The following GJC1 variants were observed in gnomAD, a reference collection of about 807,000 sequenced individuals.
The protein encoded by GJC1 is gap junction protein gamma 1.
A neutral mutation model predicts 29.3 loss-of-function variants in GJC1; 5 were observed. That is an observed-to-expected ratio of 0.17 (90% CI 0.09 to 0.36). The LOEUF is 0.36. Ranked by LOEUF, GJC1 falls within the 10% of genes least tolerant of loss-of-function variation. The pLI is 1.00. For synonymous variants in GJC1, 177 were observed against 183.3 expected (o/e 0.97, Z 0.28); for missense variants, 310 against 496.2 (o/e 0.62, Z 3.56).
chr17:44,827,511 G>C (rs924589643), intron 1 of GJC1, among the ~76,000 whole-genome samples: 1 of 152,082 alleles, frequency 6.6e-6, no homozygotes, highest in Non-Finnish European at 1.5e-5. Flanking sequence ...GGACAGGACA[G>C]GAAAGGAGGA....
intron 1 of GJC1, among the ~76,000 whole-genome samples, chr17:44,819,386 C>T (rs1254057178): frequency 1.3e-5 from 2 of 151,990 alleles, no homozygotes; most frequent in East Asian, 1.9e-4. Context: ...TGGCCAGGCG[C>T]GGTGGCTCAC....
intron 1 of GJC1, among the ~76,000 whole-genome samples, chr17:44,828,930 C>T (rs1327659302): frequency 6.6e-6 from 1 of 151,664 alleles, no homozygotes; most frequent in African/African-American, 2.4e-5. Flanking sequence ...CTGTTTCCTG[C>T]TTATCAGGAA....
chr17:44,810,856 C>T (rs2049971999), intron 1 of GJC1, among the ~76,000 whole-genome samples: 1 of 152,100 alleles, frequency 6.6e-6, no homozygotes. Flanking sequence ...TCACTGCAGC[C>T]TCAACCTCTT....
In GJC1 at chr17:44,830,231, GCCGCTGCCGCCGCCGCCGCCGCCTC is replaced by G. The variant is rs1382643554; in HGVS notation, c.-291_-267del. Reference sequence around the variant, plus strand: ...TCCAGCCGAGGCAGAAGCCGCTCCCGCCGCTGCCGCCGCCGCCGCCGCCTCCCGCTCCCGCCGCCGCGACCCGCGG... The same window carrying G: ...TCCAGCCGAGGCAGAAGCCGCTCCCGCCGCTCCCGCCGCCGCGACCCGCGG... On this transcript the variant is annotated 5_prime_UTR_variant, in exon 1 of 3. Coordinates refer to ENST00000592524, the MANE Select transcript of GJC1 (RefSeq NM_005497.4). This position sits in a 1 kb window ranked among gnomAD's most constrained non-coding sequence, Gnocchi z 4.3. 6.3e-6 allele frequency: 1 copy of G among 159,118 alleles called. No homozygotes were observed. Among genetic ancestry groups the G allele is most frequent in the Non-Finnish European group, 1.3e-5 (1 of 74,942 alleles). 9.9% of individuals were successfully genotyped at this position (159,118 alleles called of 1,614,324 possible).
At chr17:44,823,102 TG>T (rs2050130545) in intron 1 of GJC1, among the ~76,000 whole-genome samples, 1 of 151,996 alleles carries the variant, frequency 6.6e-6, no homozygotes, top group African/African-American at 2.4e-5. Context: ...ACTACAAACA[TG>T]TGAATGAAAA....
rs778089708 is a variant in GJC1, at chr17:44,804,006, G to T, written c.*621C>A. On this transcript the variant is annotated 3_prime_UTR_variant, in exon 3 of 3. Transcript: ENST00000592524. ...TCTGATCGCATGAATGAGATTCAAAGATTTCTCACATAAAAGAAAGATCTC... is the reference window on the plus strand; with the variant it reads ...TCTGATCGCATGAATGAGATTCAAATATTTCTCACATAAAAGAAAGATCTC... The T allele has an allele frequency of 5.3e-5, 8 of 152,116 alleles. No homozygotes were observed. Among genetic ancestry groups the T allele is most frequent in the Admixed American group, 2.0e-4 (3 of 15,254 alleles). 9.4% of individuals were successfully genotyped at this position (152,116 alleles called of 1,614,324 possible). A position where few individuals can be genotyped will look rare whatever the true frequency, so the allele number is the denominator to read the frequency against.
intron 1 of GJC1, among the ~76,000 whole-genome samples, chr17:44,818,201 G>C (rs940985122): frequency 6.6e-6 from 1 of 151,778 alleles, no homozygotes; most frequent in Non-Finnish European, 1.5e-5. Context: ...CGACAAGAGC[G>C]AAACTCTGTC....
chr17:44,815,884 T>C (rs1414579253), intron 1 of GJC1, among the ~76,000 whole-genome samples: 1 of 151,632 alleles, frequency 6.6e-6, no homozygotes, highest in Non-Finnish European at 1.5e-5. Flanking sequence ...GAGGCCGAGG[T>C]GGGCGGATCA....
chr17:44,804,381 A>C lies in GJC1; in HGVS notation c.*246T>G. On this transcript the variant is annotated 3_prime_UTR_variant, in exon 3 of 3. Coordinates refer to ENST00000592524, the MANE Select transcript of GJC1 (RefSeq NM_005497.4). Reference sequence around the variant, plus strand: ...TTTAAATATGTCTGTTCTTCTCCAGATCTGGAAGACACAAATGTAAAGTTC... The same window carrying C: ...TTTAAATATGTCTGTTCTTCTCCAGCTCTGGAAGACACAAATGTAAAGTTC... 2 of 467,890 alleles carry C rather than the reference A, an allele frequency of 4.3e-6. No homozygotes were observed. 29.0% of individuals were successfully genotyped at this position (467,890 alleles called of 1,614,324 possible). A position where few individuals can be genotyped will look rare whatever the true frequency, so the allele number is the denominator to read the frequency against.
chr17:44,815,803 A>C (rs2050035234), intron 1 of GJC1, among the ~76,000 whole-genome samples: 1 of 152,112 alleles, frequency 6.6e-6, no homozygotes, highest in African/African-American at 2.4e-5. Context: ...AATCGTATCA[A>C]TTCTTTAAAA....
At position 44,803,348 on chromosome 17, in the gene GJC1, ACAATAAAAGACTG is replaced by A. The variant is rs1419863811; in HGVS notation, c.*1266_*1278del. On this transcript the variant is annotated 3_prime_UTR_variant, in exon 3 of 3. Coordinates refer to ENST00000592524, the MANE Select transcript of GJC1 (RefSeq NM_005497.4). ...GCTCTCCAACATAAGGCTGAAAATG[ACAATAAAAGACTG>A]CAATAAAAGACTAGTGGGATGAACA... 3 of 152,318 alleles carry A rather than the reference ACAATAAAAGACTG, an allele frequency of 2.0e-5. No homozygotes were observed. The highest frequency in any genetic ancestry group is 4.4e-5 in the Non-Finnish European group (3 of 68,030). 9.4% of individuals were successfully genotyped at this position (152,318 alleles called of 1,614,324 possible). A position where few individuals can be genotyped will look rare whatever the true frequency, so the allele number is the denominator to read the frequency against.
At chr17:44,814,944 GA>G (rs1285267411) in intron 1 of GJC1, among the ~76,000 whole-genome samples, 266 of 139,908 alleles carry the variant, frequency 1.9e-3, no homozygotes, top group Middle Eastern at 0.011. Context: ...TCAGTCTTAG[GA>G]AAAAAAAAAA....
intron 1 of GJC1, among the ~76,000 whole-genome samples, chr17:44,827,683 A>C (rs1597765241): frequency 6.6e-6 from 1 of 152,172 alleles, no homozygotes; most frequent in Non-Finnish European, 1.5e-5. Context: ...CTGTAATCCC[A>C]GCACTCTGGG....
chr17:44,815,047 G>C (rs1353946007), intron 1 of GJC1, among the ~76,000 whole-genome samples: 2 of 152,038 alleles, frequency 1.3e-5, no homozygotes, highest in Non-Finnish European at 2.9e-5. Flanking sequence ...ATTCAGCTGT[G>C]AATGGCTCTC....
intron 1 of GJC1, among the ~76,000 whole-genome samples, chr17:44,825,667 C>T (rs1156589335): frequency 1.3e-5 from 2 of 151,562 alleles, no homozygotes; most frequent in Non-Finnish European, 1.5e-5. Context: ...CCCAGCTTCT[C>T]GCAAGGCTGA....
rs2050216582 is a variant in GJC1 at position 44,830,181 on chromosome 17, C to CGCCGCT, written c.-222_-217dup. 6.5e-6 allele frequency: 1 copy of CGCCGCT among 152,950 alleles called. No homozygotes were observed. The highest frequency in any genetic ancestry group is 2.4e-5 in the African/African-American group (1 of 41,354). The allele number at this position is 152,950 out of a possible 1,614,324, so 9.5% of individuals were successfully genotyped here. A position where few individuals can be genotyped will look rare whatever the true frequency, so the allele number is the denominator to read the frequency against. ...ACCCTCGCCTCTCCTCCACCTCCTC[C>CGCCGCT]GCCGCTGCCGCCTTCGCCTCAGTCT... On this transcript the variant is annotated 5_prime_UTR_variant, in exon 1 of 3. Transcript: ENST00000592524. This position sits in a 1 kb window ranked among gnomAD's most constrained non-coding sequence, Gnocchi z 4.3.
Position 44,804,978 on chromosome 17 carries a change from A to C in GJC1, c.840T>G (p.Thr280=), listed in dbSNP as rs752217522. ...EDPGAYNYPF[T]WNTPSAPPGY... ...CAGGGGGAGCAGATGGTGTATTCCA[A>C]GTGAAAGGATAATTATAAGCACCCG... The change falls in exon 3 of 3, where the codon ACT becomes ACG. Residue 280 remains threonine (T), a synonymous_variant. Coordinates refer to ENST00000592524, the MANE Select transcript of GJC1 (RefSeq NM_005497.4). The C allele has an allele frequency of 6.8e-6, 11 of 1,613,962 alleles. No homozygotes were observed. The highest frequency in any genetic ancestry group is 2.7e-5 in the African/African-American group (2 of 74,912).
downstream of GJC1, among the ~76,000 whole-genome samples, chr17:44,795,758 A>G (rs2049779443): frequency 6.6e-6 from 1 of 152,176 alleles, no homozygotes; most frequent in African/African-American, 2.4e-5. Context: ...GTGTGCTTTT[A>G]GTTTTGCTCT....
rs2049860619 is a variant in GJC1 at position 44,802,439 on chromosome 17, T to C, written c.*2188A>G. On this transcript the variant is annotated 3_prime_UTR_variant, in exon 3 of 3. Transcript: ENST00000592524. ...TTAACTGGTAGTTCTTTATCTTAGC[T>C]AGGCTTATGTATTCCAAATTTTGCC... The C allele has an allele frequency of 6.6e-6, 1 of 152,262 alleles. No homozygotes were observed. 9.4% of individuals were successfully genotyped at this position (152,262 alleles called of 1,614,324 possible).
Sources: gnomAD v4.1 joint callset for allele counts (sites outside exome capture counted in the v4.1 genomes callset) on GRCh38, gnomAD v4.1.1 for gene constraint, Gnocchi (gnomAD v3.1) non-coding constraint, MANE v1.5 for transcripts, NCBI Gene and HGNC (gene_info 2026-07-23, HGNC 2026-07-21) for gene names.